PRKAG2: variants seen among roughly 807,000 people sequenced by gnomAD.
The protein encoded by PRKAG2 is protein kinase AMP-activated non-catalytic subunit gamma 2, also known as 5'-AMP-activated protein kinase subunit gamma-2.
Under a neutral mutation model 69.6 loss-of-function variants are expected in PRKAG2, and 26 were observed. The ratio of observed to expected loss-of-function variants is 0.37; its 90% CI spans 0.27 to 0.52. The LOEUF is 0.52. Ranked by LOEUF, PRKAG2 falls within the 20% of genes least tolerant of loss-of-function variation. The probability of loss-of-function intolerance (pLI) is 0.90; values close to 1 mark genes in which losing one functional copy is unlikely to be tolerated. For missense variants in PRKAG2, 557 were observed against 740.0 expected, an observed-to-expected ratio of 0.75 and a Z score of 2.87; for synonymous variants, 293 against 285.0, an observed-to-expected ratio of 1.03 and a Z score of -0.28.
At position 151,788,653 on chromosome 7, in the gene PRKAG2, CTT is replaced by C. The variant is rs2077128256; in HGVS notation, c.115-2114_115-2113del. On this transcript the variant is annotated intron_variant, in intron 1 of 15. Transcript: ENST00000287878. This position sits in a 1 kb window ranked among gnomAD's most constrained non-coding sequence, Gnocchi z 4.6. ...GCTGTGTCCTTTGATGTACAGAAGT[CTT>C]TGATTTATCTAATTTGCCTTTTGTT... 6.6e-6 allele frequency among the ~76,000 whole-genome samples: 1 copy of C among 152,150 alleles called. No homozygotes were observed. Among genetic ancestry groups the C allele is most frequent in the Non-Finnish European group, 1.5e-5 (1 of 68,014 alleles).
At chr7:151,802,962 A>ATTTT (rs536103411) in intron 1 of PRKAG2, among the ~76,000 whole-genome samples, 8 of 131,572 alleles carry the variant, frequency 6.1e-5, no homozygotes, top group Non-Finnish European at 9.6e-5. Flanking sequence ...ATATATATAT[A>ATTTT]TTTTTTTTTT....
intron 3 of PRKAG2, among the ~76,000 whole-genome samples, chr7:151,772,163 G>A (rs1294207851): frequency 6.6e-6 from 1 of 152,214 alleles, no homozygotes; most frequent in East Asian, 1.9e-4. Flanking sequence ...GGGTGTCAAA[G>A]GAAGGCCTTT....
At chr7:151,560,339 T>G in intron 15 of PRKAG2, 185 bp downstream of exon 15, 1 of 1,512,504 alleles carries the variant, frequency 6.6e-7, no homozygotes, top group Non-Finnish European at 8.8e-7. Flanking sequence ...CTATACACTT[T>G]CCTCACTCAC....
At position 151,876,558 on chromosome 7, in the gene PRKAG2, GC is replaced by G. The variant is rs730880986; in HGVS notation, c.62del (p.Gly21AlafsTer20). 2.5e-6 allele frequency: 4 copies of G among 1,609,984 alleles called. No individual in the cohort carries two copies. Among genetic ancestry groups the G allele is most frequent in the Non-Finnish European group, 2.5e-6 (3 of 1,179,966 alleles). ...TCTTCTGGCTGGCATTTTTCTTGCC[GC>G]CGCTCCCGCCGGGGCTGGAAACATC... is the stretch of plus-strand genomic sequence containing the variant. ...KKDVSSPGGSGGKKNASQKRR... is the reference protein window; with the variant it reads ...KKDVSSPGGSXGKKNASQKRR... On this transcript the variant is annotated frameshift_variant, in exon 1 of 16. Coordinates refer to ENST00000287878, the MANE Select transcript of PRKAG2 (RefSeq NM_016203.4). LOFTEE classifies it high-confidence loss of function.
chr7:151,576,129 T>A (rs915749056), intron 7 of PRKAG2: 1 of 522,320 alleles, frequency 1.9e-6, no homozygotes, highest in Non-Finnish European at 3.5e-6. Context: ...TTTGTAGAGA[T>A]GAGGTCTTGC....
chr7:151,630,418 GTAAC>G (rs1324686929), intron 5 of PRKAG2, among the ~76,000 whole-genome samples: 1 of 152,188 alleles, frequency 6.6e-6, no homozygotes, highest in African/African-American at 2.4e-5. Flanking sequence ...AGCGATAATA[GTAAC>G]TAACATTTAT....
At chr7:151,653,686 A>G (rs1207546884) in intron 4 of PRKAG2, among the ~76,000 whole-genome samples, 2 of 152,192 alleles carry the variant, frequency 1.3e-5, no homozygotes, top group Non-Finnish European at 2.9e-5. Flanking sequence ...TACTAGAAAT[A>G]CAAAAATTAG....
At chr7:151,782,905 G>A (rs1270983741) in intron 2 of PRKAG2, among the ~76,000 whole-genome samples, 3 of 152,238 alleles carry the variant, frequency 2.0e-5, no homozygotes, top group African/African-American at 4.8e-5. Flanking sequence ...CAAGAAGGGC[G>A]AGTAACTCGT....
chr7:151,846,420 A>G (rs2079433558), intron 1 of PRKAG2, among the ~76,000 whole-genome samples: 1 of 152,102 alleles, frequency 6.6e-6, no homozygotes, highest in Non-Finnish European at 1.5e-5. Flanking sequence ...GTGAGCCAAG[A>G]TCGCACCACT....
At chr7:151,558,769 T>C (rs900247025) in intron 15 of PRKAG2, 12 of 985,222 alleles carry the variant, frequency 1.2e-5, no homozygotes, top group Non-Finnish European at 1.3e-5. Context: ...CAGCTGGAAA[T>C]AGATTCCTCT....
Position 151,861,623 on chromosome 7 carries a change from G to A in PRKAG2, c.114+14884C>T, listed in dbSNP as rs1018288256. 2.0e-5 allele frequency among the ~76,000 whole-genome samples: 3 copies of A among 152,040 alleles called. No homozygotes were observed. The East Asian group carries it at 5.8e-4, about 29-fold the overall frequency. On this transcript the variant is annotated intron_variant, in intron 1 of 15. Coordinates refer to ENST00000287878, the MANE Select transcript of PRKAG2 (RefSeq NM_016203.4). ...CCAGAAAACCTGGGATGGGATGGTG[G>A]CCACAGCTACATTCTTAGGGTCGGT...
chr7:151,745,179 C>T (rs1021574956), intron 3 of PRKAG2, among the ~76,000 whole-genome samples: 6 of 152,232 alleles, frequency 3.9e-5, no homozygotes, highest in East Asian at 1.9e-4. Flanking sequence ...TTGCGGATCA[C>T]GAGGCCATAC....
At chr7:151,795,804 CAGTTCCGACCAACGCATG>C (rs139287832) in intron 1 of PRKAG2, among the ~76,000 whole-genome samples, 1,461 of 137,408 alleles carry the variant, frequency 0.011, 25 homozygotes, top group African/African-American at 0.039. Flanking sequence ...CGGGACTTTC[CAGTTCCGACCAACGCATG>C]AGTCAATTCT....
chr7:151,800,131 G>A (rs952990246), intron 1 of PRKAG2, among the ~76,000 whole-genome samples: 1 of 151,960 alleles, frequency 6.6e-6, no homozygotes, highest in African/African-American at 2.4e-5. Flanking sequence ...GCCGAGGTGG[G>A]CGGATCATGA....
intron 1 of PRKAG2, among the ~76,000 whole-genome samples, chr7:151,787,829 C>T (rs1420087668): frequency 6.6e-6 from 1 of 152,090 alleles, no homozygotes; most frequent in Admixed American, 6.6e-5. Flanking sequence ...TGACTGGTGT[C>T]CTTCAAGGAA....
At chr7:151,669,820 C>T (rs780952125) in intron 4 of PRKAG2, among the ~76,000 whole-genome samples, 14 of 77,516 alleles carry the variant, frequency 1.8e-4, no homozygotes, top group Admixed American at 1.7e-3. Context: ...ACACACACAC[C>T]TGTGCACCTG....
chr7:151,641,269 G>C (rs1191246208), intron 4 of PRKAG2, among the ~76,000 whole-genome samples: 2 of 109,270 alleles, frequency 1.8e-5, no homozygotes, highest in Non-Finnish European at 3.4e-5. Context: ...TTTTTTTTGA[G>C]ATGGAGTCTC....
At chr7:151,859,264 G>A (rs189836261) in intron 1 of PRKAG2, among the ~76,000 whole-genome samples, 23 of 152,366 alleles carry the variant, frequency 1.5e-4, no homozygotes, top group Non-Finnish European at 2.8e-4. Context: ...CGTCAGACGG[G>A]GCGGGGCGAG....
In PRKAG2 at chr7:151,744,711, G is replaced by A. The variant is rs2074156146; in HGVS notation, c.466+36441C>T. Among the ~76,000 whole-genome samples the A allele has an allele frequency of 2.0e-5, 3 of 152,126 alleles. No homozygotes were observed. In the South Asian group the frequency reaches 6.2e-4, roughly 32 times the overall value. On this transcript the variant is annotated intron_variant, in intron 3 of 15. Coordinates refer to ENST00000287878, the MANE Select transcript of PRKAG2 (RefSeq NM_016203.4). ...CTCCGTGTAACCACCCTCCCTCCAT[G>A]CGCCTCCATTCATTCATGAGACTGG... is the stretch of plus-strand genomic sequence containing the variant.
Sources: allele counts gnomAD v4.1 joint callset (sites outside exome capture counted in the v4.1 genomes callset), GRCh38; gene constraint gnomAD v4.1.1; non-coding constraint Gnocchi (gnomAD v3.1); transcripts MANE v1.5; gene names NCBI Gene and HGNC (gene_info 2026-07-23, HGNC 2026-07-21).